The following EFCAB8 variants were observed in gnomAD, a reference collection of about 807,000 sequenced individuals.
EFCAB8 encodes EF-hand calcium-binding domain-containing protein 8.
Under a neutral mutation model 116.3 loss-of-function variants are expected in EFCAB8, and 100 were observed. The ratio of observed to expected loss-of-function variants is 0.86; its 90% CI spans 0.73 to 1.02. EFCAB8 has a LOEUF of 1.02. Ranked by LOEUF, EFCAB8 falls within the 50% of genes least tolerant of loss-of-function variation. The pLI, the probability that EFCAB8 is intolerant of heterozygous loss-of-function variation, is 0.00. For synonymous variants in EFCAB8, 558 were observed against 567.9 expected (o/e 0.98, Z 0.25); for missense variants, 1,320 against 1,416.9 (o/e 0.93, Z 1.10).
intron 11 of EFCAB8, among the ~76,000 whole-genome samples, chr20:32,902,040 A>G (rs1046015611): frequency 2.0e-5 from 3 of 152,212 alleles, no homozygotes; most frequent in Non-Finnish European, 4.4e-5. Flanking sequence ...AAATGTTTCA[A>G]ACACACACAA....
At chr20:32,923,597 CAT>C (rs922264565) in intron 20 of EFCAB8, among the ~76,000 whole-genome samples, 4 of 152,140 alleles carry the variant, frequency 2.6e-5, no homozygotes, top group South Asian at 2.1e-4. Flanking sequence ...TACGTTAAGA[CAT>C]GTGTTGTAGC....
intron 26 of EFCAB8, among the ~76,000 whole-genome samples, chr20:32,960,896 C>CAA (rs1180001899): frequency 7.2e-5 from 11 of 152,218 alleles, no homozygotes; most frequent in Non-Finnish European, 4.4e-5. Flanking sequence ...CGCCAGCTCA[C>CAA]AGAGTTGCCA....
At chr20:32,901,719 G>T (rs989310259) in intron 11 of EFCAB8, among the ~76,000 whole-genome samples, 1 of 152,244 alleles carries the variant, frequency 6.6e-6, no homozygotes, top group Non-Finnish European at 1.5e-5. Flanking sequence ...ACAGAGTCTT[G>T]CTGCAGTGCC....
At chr20:32,923,223 C>T (rs1987534002) in intron 20 of EFCAB8, among the ~76,000 whole-genome samples, 1 of 151,576 alleles carries the variant, frequency 6.6e-6, no homozygotes. Flanking sequence ...CGATGGCTCA[C>T]ACCTGTAATC....
At chr20:32,882,005 C>G (rs569431944) in intron 5 of EFCAB8, among the ~76,000 whole-genome samples, 1 of 152,262 alleles carries the variant, frequency 6.6e-6, no homozygotes, top group East Asian at 1.9e-4. Flanking sequence ...GTCAGGAGTC[C>G]TGGCCAACAT....
intron 3 of EFCAB8, among the ~76,000 whole-genome samples, chr20:32,874,576 C>T (rs906235080): frequency 1.3e-5 from 2 of 151,748 alleles, no homozygotes; most frequent in African/African-American, 2.4e-5. Context: ...CAGTCTCACT[C>T]GGTCGCTCAG....
At chr20:32,948,572 G>GAAAGAAAGAAAGAAAGAAAGAA (rs1555871358) in intron 23 of EFCAB8, among the ~76,000 whole-genome samples, 5 of 139,510 alleles carry the variant, frequency 3.6e-5, no homozygotes, top group African/African-American at 1.4e-4. Context: ...AAGAAAGAAA[G>GAAAGAAAGAAAGAAAGAAAGAA]AAAGAAAGAA....
intron 1 of EFCAB8, among the ~76,000 whole-genome samples, 158 bp downstream of exon 1, chr20:32,859,164 A>G (rs1469841990): frequency 6.6e-6 from 1 of 152,128 alleles, no homozygotes; most frequent in Non-Finnish European, 1.5e-5. Flanking sequence ...ACAAATTCGT[A>G]CAAACCACTC....
Position 32,885,528 on chromosome 20 carries a change from AGGT to A in EFCAB8, c.460_462del (p.Val154del). The A allele has an allele frequency of 1.3e-6, 2 of 1,551,684 alleles. No individual in the cohort carries two copies. The highest frequency in any genetic ancestry group is 1.7e-6 in the Non-Finnish European group (2 of 1,147,012). ...AGGAACCATGGCTGTGAGGTGGTGA[AGGT>A]GGTGTTTTTAATCCACCGGTTCAAG... On this transcript the variant is annotated inframe_deletion, in exon 6 of 27. Coordinates refer to ENST00000400522, the MANE Select transcript of EFCAB8 (RefSeq NM_001143967.2).
intron 22 of EFCAB8, among the ~76,000 whole-genome samples, chr20:32,936,619 A>G (rs1049649599): frequency 6.6e-6 from 1 of 152,190 alleles, no homozygotes; most frequent in Admixed American, 6.5e-5. Context: ...TCAATTGACT[A>G]TTAGTGCATG....
chr20:32,891,325 C>G (rs13036333), intron 7 of EFCAB8, among the ~76,000 whole-genome samples: 24 of 152,200 alleles, frequency 1.6e-4, no homozygotes, highest in Non-Finnish European at 2.5e-4. Flanking sequence ...CTGCTGGGCC[C>G]GTGTTTGTTG....
At chr20:32,912,419 T>C (rs1986974736) in intron 16 of EFCAB8, among the ~76,000 whole-genome samples, 2 of 121,076 alleles carry the variant, frequency 1.7e-5, no homozygotes, top group African/African-American at 6.7e-5. Context: ...GCAGCAAGAG[T>C]GAAACTCTGT....
intron 22 of EFCAB8, 81 bp downstream of exon 22, chr20:32,931,417 C>G (rs1008229305): frequency 1.6e-4 from 224 of 1,401,808 alleles, no homozygotes; most frequent in Non-Finnish European, 2.0e-4. Flanking sequence ...TAACTCATAC[C>G]CAAGAGAAAT....
intron 3 of EFCAB8, among the ~76,000 whole-genome samples, chr20:32,871,310 G>A (rs1464363735): frequency 6.6e-6 from 1 of 151,164 alleles, no homozygotes; most frequent in Non-Finnish European, 1.5e-5. Context: ...GTTTTCCTGT[G>A]TAGCCCAGGG....
chr20:32,930,258 G>A (rs897153705), intron 20 of EFCAB8, 140 bp from the exon 21 acceptor site: 10 of 668,536 alleles, frequency 1.5e-5, no homozygotes, highest in Non-Finnish European at 2.3e-5. Flanking sequence ...GGGGAGGAAG[G>A]GTGGGACCAC....
chr20:32,865,454 C>T (rs149124245), intron 2 of EFCAB8, among the ~76,000 whole-genome samples: 6 of 151,900 alleles, frequency 3.9e-5, no homozygotes, highest in South Asian at 2.1e-4. Flanking sequence ...TGCTACACTC[C>T]GGAGTTGGGG....
chr20:32,875,529 G>GTTT (rs1984925772), intron 3 of EFCAB8, among the ~76,000 whole-genome samples: 11 of 65,564 alleles, frequency 1.7e-4, no homozygotes, highest in African/African-American at 3.3e-4. Context: ...TTGAGACAGA[G>GTTT]TTTTCTCTCT....
intron 9 of EFCAB8, among the ~76,000 whole-genome samples, chr20:32,894,169 C>T (rs1468592331): frequency 6.6e-6 from 1 of 152,220 alleles, no homozygotes; most frequent in East Asian, 1.9e-4. Flanking sequence ...GGTTGCCTCA[C>T]ATCCACCAGG....
intron 22 of EFCAB8, among the ~76,000 whole-genome samples, chr20:32,935,290 T>C (rs1988074938): frequency 7.4e-6 from 1 of 134,888 alleles, no homozygotes; most frequent in Non-Finnish European, 1.6e-5. Flanking sequence ...AACCCCCGCC[T>C]CCCGGGTTCA....
Sources: allele counts gnomAD v4.1 joint callset (sites outside exome capture counted in the v4.1 genomes callset), GRCh38; gene constraint gnomAD v4.1.1; transcripts MANE v1.5; gene names NCBI Gene and HGNC (gene_info 2026-07-23, HGNC 2026-07-21).